MACROD2: variants seen among roughly 807,000 people sequenced by gnomAD.
MACROD2 encodes mono-ADP ribosylhydrolase 2.
Under a neutral mutation model 70.4 loss-of-function variants are expected in MACROD2, and 36 were observed. The ratio of observed to expected loss-of-function variants is 0.51; its 90% CI spans 0.39 to 0.68. MACROD2 has a LOEUF of 0.68. Ranked by LOEUF, MACROD2 falls within the 30% of genes least tolerant of loss-of-function variation. The pLI is 0.00. For missense variants in MACROD2, 496 were observed against 538.4 expected, an observed-to-expected ratio of 0.92 and a Z score of 0.78; for synonymous variants, 172 against 178.8, an observed-to-expected ratio of 0.96 and a Z score of 0.30.
At chr20:14,713,667 T>G (rs761691082) in intron 5 of MACROD2, among the ~76,000 whole-genome samples, 28 of 152,196 alleles carry the variant, frequency 1.8e-4, no homozygotes, top group Admixed American at 1.3e-4. Flanking sequence ...GTGTAGGTGC[T>G]GAGAAAGGCA....
chr20:15,732,754 A>G (rs1044071262), intron 8 of MACROD2, among the ~76,000 whole-genome samples: 1 of 91,464 alleles, frequency 1.1e-5, no homozygotes, highest in Non-Finnish European at 2.3e-5. Flanking sequence ...AGTGGTGTGT[A>G]GTTTTCCTCT....
intron 4 of MACROD2, among the ~76,000 whole-genome samples, chr20:14,495,607 A>G (rs1170557474): frequency 1.3e-5 from 2 of 152,136 alleles, no homozygotes; most frequent in Admixed American, 1.3e-4. Flanking sequence ...TTACCTCTAT[A>G]TTGTCAAACT....
At chr20:15,643,190 G>C (rs1364462377) in intron 8 of MACROD2, among the ~76,000 whole-genome samples, 1 of 152,074 alleles carries the variant, frequency 6.6e-6, no homozygotes, top group Non-Finnish European at 1.5e-5. Flanking sequence ...TCTACAACCT[G>C]ACCTGCTTAC....
At chr20:15,930,498 AG>A (rs1200753421) in intron 10 of MACROD2, among the ~76,000 whole-genome samples, 1 of 152,188 alleles carries the variant, frequency 6.6e-6, no homozygotes, top group Non-Finnish European at 1.5e-5. Context: ...GCTGGATTTG[AG>A]GATGCACTGT....
At chr20:15,305,458 C>T (rs1368852317) in intron 6 of MACROD2, among the ~76,000 whole-genome samples, 1 of 152,096 alleles carries the variant, frequency 6.6e-6, no homozygotes, top group Non-Finnish European at 1.5e-5. Flanking sequence ...CAAATAAATG[C>T]TTATGCACTG....
At chr20:14,039,108 A>G (rs1187329400) in intron 2 of MACROD2, among the ~76,000 whole-genome samples, 1 of 152,160 alleles carries the variant, frequency 6.6e-6, no homozygotes, top group African/African-American at 2.4e-5. Context: ...TACCATTTCT[A>G]GTTCTAAAGA....
chr20:14,565,891 C>G (rs1162712315), intron 4 of MACROD2, among the ~76,000 whole-genome samples: 1 of 151,784 alleles, frequency 6.6e-6, no homozygotes, highest in African/African-American at 2.4e-5. Flanking sequence ...TTCTTTTTAC[C>G]CCTAAGACCT....
intron 5 of MACROD2, among the ~76,000 whole-genome samples, chr20:15,105,172 G>A (rs1264941056): frequency 6.6e-6 from 1 of 152,110 alleles, no homozygotes; most frequent in East Asian, 1.9e-4. Flanking sequence ...AGGTGCAGCT[G>A]GATGCAGGGA....
intron 6 of MACROD2, among the ~76,000 whole-genome samples, chr20:15,416,593 C>T (rs555151263): frequency 2.6e-5 from 4 of 152,242 alleles, no homozygotes; most frequent in African/African-American, 9.6e-5. Context: ...GGTGTTTGCA[C>T]ATGTAATTGG....
At chr20:15,699,973 T>C (rs1423731691) in intron 8 of MACROD2, among the ~76,000 whole-genome samples, 1 of 152,152 alleles carries the variant, frequency 6.6e-6, no homozygotes, top group Non-Finnish European at 1.5e-5. Context: ...CTCGACTCAC[T>C]AACTTGACTC....
chr20:15,431,558 T>C, intron 7 of MACROD2, 123 bp downstream of exon 7: 1 of 882,560 alleles, frequency 1.1e-6, no homozygotes, highest in Non-Finnish European at 1.8e-6. Flanking sequence ...AGACTAAAAA[T>C]GCTCGTCAAA....
At chr20:15,130,673 A>G (rs974809036) in intron 5 of MACROD2, among the ~76,000 whole-genome samples, 2 of 152,156 alleles carry the variant, frequency 1.3e-5, no homozygotes, top group Non-Finnish European at 2.9e-5. Context: ...GTTGTAATTG[A>G]TCAGTAAACA....
At chr20:15,253,022 T>C (rs1472914776) in intron 6 of MACROD2, among the ~76,000 whole-genome samples, 1 of 152,150 alleles carries the variant, frequency 6.6e-6, no homozygotes, top group African/African-American at 2.4e-5. Context: ...TACATTTTGG[T>C]GCAAGGAATT....
In MACROD2 at chr20:15,198,108, T is replaced by C. The variant is rs1051126772; in HGVS notation, c.419-31832T>C. On this transcript the variant is annotated intron_variant, in intron 5 of 17. Transcript: ENST00000684519. ...TCCTGAGTAGCTGAGACTACAGGCG[T>C]GTACCACCACACCGGCTAATTTCTG... is the stretch of plus-strand genomic sequence containing the variant. Among the ~76,000 whole-genome samples the C allele has an allele frequency of 3.3e-5, 5 of 152,000 alleles. No individual in the cohort carries two copies. In the East Asian group the frequency reaches 7.7e-4, roughly 24 times the overall value.
chr20:14,246,987 G>T (rs6110212), intron 3 of MACROD2, among the ~76,000 whole-genome samples: 30,434 of 151,848 alleles, frequency 0.2, 3,341 homozygotes, highest in South Asian at 0.32. Flanking sequence ...ATATCCTTTT[G>T]TCTCCTCTCA....
At chr20:14,131,417 T>C (rs1196542821) in intron 3 of MACROD2, among the ~76,000 whole-genome samples, 1 of 152,212 alleles carries the variant, frequency 6.6e-6, no homozygotes. Context: ...TTAGTTTGTG[T>C]GTATTTTCAT....
At chr20:14,587,816 ATTAATT>A (rs1288851606) in intron 4 of MACROD2, among the ~76,000 whole-genome samples, 3 of 152,074 alleles carry the variant, frequency 2.0e-5, no homozygotes, top group African/African-American at 7.2e-5. Flanking sequence ...TGTTTTTAAA[ATTAATT>A]TTAAATTGAG....
At chr20:14,715,815 A>G (rs1297430058) in intron 5 of MACROD2, among the ~76,000 whole-genome samples, 1 of 152,200 alleles carries the variant, frequency 6.6e-6, no homozygotes, top group Non-Finnish European at 1.5e-5. Context: ...CCCTAAAATT[A>G]CATTTGGGAG....
intron 3 of MACROD2, among the ~76,000 whole-genome samples, chr20:14,100,722 AT>A: frequency 7.4e-6 from 1 of 135,078 alleles, no homozygotes; most frequent in East Asian, 2.0e-4. Flanking sequence ...ATATACATTT[AT>A]ATATAATATA....
Sources: gnomAD v4.1 joint callset for allele counts (sites outside exome capture counted in the v4.1 genomes callset) on GRCh38, gnomAD v4.1.1 for gene constraint, MANE v1.5 for transcripts, NCBI Gene and HGNC (gene_info 2026-07-23, HGNC 2026-07-21) for gene names.